HNF1A: variants seen among roughly 807,000 people sequenced by gnomAD.
The protein encoded by HNF1A is HNF1 homeobox A, also known as hepatocyte nuclear factor 1-alpha.
Under a neutral mutation model 62.2 loss-of-function variants are expected in HNF1A, and 21 were observed. The observed-to-expected ratio is 0.34, with a 90% CI of 0.24 to 0.49. HNF1A has a LOEUF of 0.49. HNF1A is among the 20% of genes least tolerant of loss of function. The probability of loss-of-function intolerance (pLI) is 0.99; values close to 1 mark genes in which losing one functional copy is unlikely to be tolerated. For missense variants in HNF1A, 687 were observed against 832.3 expected (o/e 0.83, Z 2.15); for synonymous variants, 374 against 366.8 (o/e 1.02, Z -0.22).
chr12:120,990,131 A>AT (rs371557761), intron 2 of HNF1A, among the ~76,000 whole-genome samples: 4 of 150,630 alleles, frequency 2.7e-5, no homozygotes, highest in East Asian at 1.9e-4. Context: ...ATCCAGGTTA[A>AT]TTTTTTTTTA....
chr12:120,990,783 A>G (rs556879725), intron 2 of HNF1A, among the ~76,000 whole-genome samples: 1 of 152,348 alleles, frequency 6.6e-6, no homozygotes, highest in African/African-American at 2.4e-5. Context: ...AACAGAGTTT[A>G]TAAGAAAAAT....
At chr12:121,000,598 C>G (rs1314519950) in intron 9 of HNF1A, 4 of 239,380 alleles carry the variant, frequency 1.7e-5, no homozygotes, top group South Asian at 1.1e-4. Flanking sequence ...AATTCTGCAG[C>G]CTTGAGGCAG....
chr12:121,000,071 T>G (rs553344855), intron 9 of HNF1A, among the ~76,000 whole-genome samples: 13 of 152,048 alleles, frequency 8.5e-5, no homozygotes, highest in African/African-American at 2.2e-4. Flanking sequence ...AAAATTCATA[T>G]TCCCATATAA....
At position 120,997,504 on chromosome 12, in the gene HNF1A, C is replaced by G. The variant is rs137853236; in HGVS notation, c.1340C>G (p.Pro447Arg). 6.2e-7 allele frequency: 1 copy of G among 1,611,924 alleles called. No homozygotes were observed. Among genetic ancestry groups the G allele is most frequent in the Non-Finnish European group, 8.5e-7 (1 of 1,179,524 alleles). The change falls in exon 7 of 10, where the codon CCG becomes CGG. Residue 447 changes from proline (P) to arginine (R), a missense_variant. Physicochemically the swap from Pro to Arg is moderately radical, Grantham distance 103. Coordinates refer to ENST00000257555, the MANE Select transcript of HNF1A (RefSeq NM_000545.8). ...GLASTQAQSVPVINSMGSSLT... is the reference protein window; with the variant it reads ...GLASTQAQSVRVINSMGSSLT... ...GCCTCCACGCAGGCACAGAGTGTGC[C>G]GGTCATCAACAGCATGGGCAGCAGC...
intron 1 of HNF1A, among the ~76,000 whole-genome samples, chr12:120,983,607 G>A (rs549657875): frequency 2.2e-4 from 33 of 150,918 alleles, no homozygotes; most frequent in African/African-American, 7.6e-4. Context: ...GTGCAGTGGC[G>A]CAGTCTTGGC....
At chr12:120,983,914 C>CTGTGTGTGTGTGTGTGTG (rs1157274444) in intron 1 of HNF1A, among the ~76,000 whole-genome samples, 1 of 31,136 alleles carries the variant, frequency 3.2e-5, no homozygotes, top group African/African-American at 1.0e-4. Flanking sequence ...CCCTTGAAGA[C>CTGTGTGTGTGTGTGTGTG]TCTGTGTGTG....
rs1251243051 is a variant in HNF1A at position 121,001,223 on chromosome 12, G to A, written c.*31G>A. 1 of 1,612,266 alleles carries A rather than the reference G, an allele frequency of 6.2e-7. No individual in the cohort carries two copies. The highest frequency in any genetic ancestry group is 8.5e-7 in the Non-Finnish European group (1 of 1,179,444). On this transcript the variant is annotated 3_prime_UTR_variant, in exon 10 of 10. Coordinates refer to ENST00000257555, the MANE Select transcript of HNF1A (RefSeq NM_000545.8). ...GCACCTGGGCCCTGGGGCCTGTACT[G>A]CCTGCTTGGGGGGTGATGAGGGCAG...
intron 7 of HNF1A, chr12:120,998,039 G>A: frequency 2.0e-6 from 1 of 505,200 alleles, no homozygotes; most frequent in Middle Eastern, 5.6e-4. Flanking sequence ...CAGCACTTTG[G>A]AAGGCCGAGG....
chr12:120,996,956 C>G lies in HNF1A; in HGVS notation c.1309+214C>G, dbSNP rs1877139633. 2 of 1,500,728 alleles carry G rather than the reference C, an allele frequency of 1.3e-6. No individual in the cohort carries two copies. Among genetic ancestry groups the G allele is most frequent in the Non-Finnish European group, 1.8e-6 (2 of 1,104,170 alleles). The allele number at this position is 1,500,728 out of a possible 1,614,324, so 93.0% of individuals were successfully genotyped here. ...AGCAACTCAAGCAGGGAGGCAGGCA[C>G]TAAGCATAATACATCAATTCTGTGG... On this transcript the variant is annotated intron_variant, in intron 6 of 9. Transcript: ENST00000257555. The surrounding 1 kb of genome is among the most constrained non-coding windows in gnomAD (Gnocchi z 4.5).
At position 120,978,849 on chromosome 12, in the gene HNF1A, C is replaced by G. The variant is rs750099601; in HGVS notation, c.81C>G (p.Ile27Met). Reference protein sequence around the residue: ...LESGLSKEALIQALGEPGPYL... With the variant: ...LESGLSKEALMQALGEPGPYL... Reference sequence around the variant, plus strand: ...CAGGGCTGAGCAAAGAGGCACTGATCCAGGCACTGGGTGAGCCGGGGCCCT... The same window carrying G: ...CAGGGCTGAGCAAAGAGGCACTGATGCAGGCACTGGGTGAGCCGGGGCCCT... The change falls in exon 1 of 10, where the codon ATC (isoleucine) becomes ATG (methionine). Residue 27 changes from isoleucine to methionine, a missense_variant. This residue lies in a region of HNF1A where 159 missense variants were observed against 154.4 expected (regional missense o/e 1.03). Coordinates refer to ENST00000257555, the MANE Select transcript of HNF1A (RefSeq NM_000545.8). 6.2e-7 allele frequency: 1 copy of G among 1,613,360 alleles called. No homozygotes were observed. The highest frequency in any genetic ancestry group is 1.7e-5 in the Admixed American group (1 of 60,006).
intron 1 of HNF1A, among the ~76,000 whole-genome samples, chr12:120,987,857 TTTC>T (rs1462743473): frequency 2.6e-4 from 39 of 152,258 alleles, no homozygotes; most frequent in African/African-American, 7.5e-4. Flanking sequence ...CTTTTTTTCT[TTTC>T]TTTTCTTTTT....
At chr12:120,999,761 G>A in intron 9 of HNF1A, 134 bp downstream of exon 9, 1 of 1,232,898 alleles carries the variant, frequency 8.1e-7, no homozygotes. Context: ...GGAAGCACTG[G>A]CAGGCGTGGA....
rs193922580 is a variant in HNF1A at position 120,997,588 on chromosome 12, C to A, written c.1424C>A (p.Pro475Gln). 6.2e-6 allele frequency: 10 copies of A among 1,613,720 alleles called. No individual in the cohort carries two copies. The Middle Eastern group carries it at 4.9e-4, about 80-fold the overall frequency. Residue 475 changes from proline (P) to glutamine (Q), a missense_variant, in exon 7 of 10, where the codon CCG (proline) becomes CAG (glutamine). By Grantham distance (76) the Pro-to-Gln change is moderately conservative. Around this residue, in one of 5 missense-constraint regions of HNF1A, gnomAD observed 408 missense variants for 455.3 expected, o/e 0.90. Coordinates refer to ENST00000257555, the MANE Select transcript of HNF1A (RefSeq NM_000545.8). ...CCGCTGCACCCCTCCTACCAGCAGC[C>A]GCTCATGCCACCTGTGCAGAGCCAT... is the stretch of plus-strand genomic sequence containing the variant. ...SQPLHPSYQQ[P>Q]LMPPVQSHVT...
In HNF1A at chr12:120,994,365, T is replaced by C. The variant is rs1593059075; in HGVS notation, c.915T>C (p.Pro305=). ...CTGCGCTGCCCGCTCACAGCTCCCCTGGCCTGCCTCCACCTGCCCTCTCCC... is the reference window on the plus strand; with the variant it reads ...CTGCGCTGCCCGCTCACAGCTCCCCCGGCCTGCCTCCACCTGCCCTCTCCC... The part of the protein sequence containing the change: ...PGPALPAHSS[P]GLPPPALSPS... Residue 305 remains proline (P), a synonymous_variant, in exon 4 of 10, where the codon CCT becomes CCC. Transcript: ENST00000257555. 1 of 1,596,912 alleles carries C rather than the reference T, an allele frequency of 6.3e-7. No homozygotes were observed. Among genetic ancestry groups the C allele is most frequent in the Non-Finnish European group, 8.5e-7 (1 of 1,171,994 alleles).
intron 2 of HNF1A, among the ~76,000 whole-genome samples, chr12:120,990,294 A>G (rs1876755271): frequency 2.0e-5 from 3 of 152,156 alleles, no homozygotes; most frequent in African/African-American, 7.2e-5. Context: ...GGTGCCCGCC[A>G]CCACGCCCAG....
At position 120,993,800 on chromosome 12, in the gene HNF1A, C is replaced by G. The variant is rs111928332; in HGVS notation, c.713+94C>G. 108 of 1,321,974 alleles carry G rather than the reference C, an allele frequency of 8.2e-5. 1 individual carries two copies. In the African/African-American group the frequency reaches 1.3e-3, roughly 16 times the overall value. The allele number at this position is 1,321,974 out of a possible 1,614,324, so 81.9% of individuals were successfully genotyped here. On this transcript the variant is annotated intron_variant, in intron 3 of 9. Coordinates refer to ENST00000257555, the MANE Select transcript of HNF1A (RefSeq NM_000545.8). ...GACTCTAGGTCCTGTAAAAGGCTGT[C>G]CAGTTGCCGAGAACTCCTGATATTG...
chr12:120,997,701 G>T, intron 7 of HNF1A, 36 bp downstream of exon 7: 1 of 1,584,008 alleles, frequency 6.3e-7, no homozygotes, highest in East Asian at 2.3e-5. Context: ...AGGAGATGAT[G>T]ATAGAGGTTG....
rs1179591039 is a variant in HNF1A, at chr12:120,988,861, G to A, written c.355G>A (p.Val119Ile). Residue 119 changes from valine to isoleucine, a missense_variant, in exon 2 of 10, where the codon GTC becomes ATC. Val to Ile is a conservative substitution (Grantham distance 29). Around this residue, in one of 5 missense-constraint regions of HNF1A, gnomAD observed 159 missense variants for 154.4 expected, o/e 1.03. Coordinates refer to ENST00000257555, the MANE Select transcript of HNF1A (RefSeq NM_000545.8). ...GGACCCGTGGCGTGTGGCGAAGATG[G>A]TCAAGTCCTACCTGCAGCAGCACAA... ...QEDPWRVAKM[V>I]KSYLQQHNIP... 1 of 1,614,244 alleles carries A rather than the reference G, an allele frequency of 6.2e-7. No homozygotes were observed. Among genetic ancestry groups the A allele is most frequent in the Non-Finnish European group, 8.5e-7 (1 of 1,180,052 alleles).
At position 120,999,263 on chromosome 12, in the gene HNF1A, G is replaced by A; in HGVS notation, c.1502-5G>A. 6.2e-7 allele frequency: 1 copy of A among 1,613,882 alleles called. No homozygotes were observed. Among genetic ancestry groups the A allele is most frequent in the Non-Finnish European group, 8.5e-7 (1 of 1,180,016 alleles). Reference sequence around the variant, plus strand: ...CACGTCTGCCCCTCTCTCCCCTGCGGCCAGCCCTCTACAGCCACAAGCCCG... The same window carrying A: ...CACGTCTGCCCCTCTCTCCCCTGCGACCAGCCCTCTACAGCCACAAGCCCG... On this transcript the variant is annotated splice_polypyrimidine_tract_variant and splice_region_variant and intron_variant, in intron 7 of 9. Coordinates refer to ENST00000257555, the MANE Select transcript of HNF1A (RefSeq NM_000545.8).
Sources: allele counts gnomAD v4.1 joint callset (sites outside exome capture counted in the v4.1 genomes callset), GRCh38; gene constraint gnomAD v4.1.1; regional missense constraint gnomAD v4.1.1; non-coding constraint Gnocchi (gnomAD v3.1); transcripts MANE v1.5; gene names NCBI Gene and HGNC (gene_info 2026-07-23, HGNC 2026-07-21).